Variants in TMPO observed in about 807,000 individuals in gnomAD.
The protein encoded by TMPO is thymopoietin.
Under a neutral mutation model 45.4 loss-of-function variants are expected in TMPO, and 22 were observed. That is an observed-to-expected ratio of 0.48 (90% CI 0.35 to 0.69). The LOEUF is 0.69. TMPO is among the 30% of genes least tolerant of loss of function. The pLI is 0.01. For synonymous variants in TMPO, 241 were observed against 204.1 expected, an observed-to-expected ratio of 1.18 and a Z score of -1.54; for missense variants, 512 against 548.8, an observed-to-expected ratio of 0.93 and a Z score of 0.67.
chr12:98,517,556 C>T (rs1034001776), intron 1 of TMPO, among the ~76,000 whole-genome samples: 8 of 152,182 alleles, frequency 5.3e-5, no homozygotes, highest in Admixed American at 1.3e-4. Context: ...AATGTGTTTT[C>T]CCGGCTACTC....
rs113427737 is a variant in TMPO at position 98,532,777 on chromosome 12, C to T, written c.565+939C>T. The T allele has an allele frequency of 2.8e-3, 4,448 of 1,613,724 alleles. 91 individuals carry two copies. The African/African-American group carries it at 0.049, about 18-fold the overall frequency. ...AAAGAGGCAAAGAATAAAATCAGCT[C>T]AAACACAGGTAATGCTTAAACTTCC... On this transcript the variant is annotated intron_variant, in intron 3 of 8. Transcript: ENST00000556029.
intron 1 of TMPO, among the ~76,000 whole-genome samples, chr12:98,518,033 G>A (rs1271139712): frequency 6.6e-6 from 1 of 152,048 alleles, no homozygotes; most frequent in Non-Finnish European, 1.5e-5. Flanking sequence ...AGCCGTGCCT[G>A]GTGGCGGCGG....
intron 7 of TMPO, 58 bp downstream of exon 7, chr12:98,545,119 ATATT>A (rs1878148103): frequency 1.8e-6 from 2 of 1,096,234 alleles, no homozygotes; most frequent in South Asian, 1.4e-5. Context: ...GGAAATATAA[ATATT>A]TGTTTGTTTT....
intron 1 of TMPO, among the ~76,000 whole-genome samples, chr12:98,523,410 T>C (rs1475935609): frequency 6.6e-6 from 1 of 151,912 alleles, no homozygotes; most frequent in South Asian, 2.1e-4. Flanking sequence ...AAAAATTAGT[T>C]AGTCGGGTAT....
At chr12:98,534,150 T>C in intron 3 of TMPO, 1 of 1,613,940 alleles carries the variant, frequency 6.2e-7, no homozygotes. Context: ...TTTGTGAAGC[T>C]GCATTTGATG....
intron 1 of TMPO, 76 bp downstream of exon 1, chr12:98,516,222 C>T (rs1592924947): frequency 3.8e-6 from 5 of 1,309,734 alleles, no homozygotes; most frequent in East Asian, 3.1e-5. Flanking sequence ...TTTGCAGCCC[C>T]TCCCTCCCGG....
At position 98,519,947 on chromosome 12, in the gene TMPO, TC is replaced by T. The variant is rs1315699160; in HGVS notation, c.279+3802del. Reference sequence around the variant, plus strand: ...ATACCAGGTCATATTTCTTTTTTTTTCTTTCTTTCTTTTTTTCTTTTTCTTT... The same window carrying T: ...ATACCAGGTCATATTTCTTTTTTTTTTTTCTTTCTTTTTTTCTTTTTCTTT... On this transcript the variant is annotated intron_variant, in intron 1 of 8. Coordinates refer to ENST00000556029, the MANE Select transcript of TMPO (RefSeq NM_001032283.3). Among the ~76,000 whole-genome samples the T allele has an allele frequency of 5.3e-5, 8 of 151,996 alleles. 1 individual carries two copies. The highest frequency in any genetic ancestry group is 1.4e-4 in the African/African-American group (6 of 41,536).
chr12:98,534,808 T>C, intron 3 of TMPO: 4 of 1,002,338 alleles, frequency 4.0e-6, no homozygotes, highest in Non-Finnish European at 4.8e-6. Flanking sequence ...CTTGTCCATA[T>C]TTTTGCTCAT....
In TMPO at chr12:98,534,329, G is replaced by T. The variant is rs1877433013; in HGVS notation, c.565+2491G>T. On this transcript the variant is annotated intron_variant, in intron 3 of 8. Transcript: ENST00000556029. ...GTATGCAAAGTAATTAAAAAGCGTG[G>T]AAATAAACACTAGTAAAATTAAGGA... 6.2e-7 allele frequency: 1 copy of T among 1,612,288 alleles called. No individual in the cohort carries two copies.
Position 98,531,719 on chromosome 12 carries a change from T to C in TMPO, c.446T>C (p.Leu149Pro). 6 of 1,613,318 alleles carry C rather than the reference T, an allele frequency of 3.7e-6. No homozygotes were observed. The highest frequency in any genetic ancestry group is 5.1e-6 in the Non-Finnish European group (6 of 1,179,958). ...CTATATGAGAAAAAGCTTTTGAAACTGAGGGAACAAGGAACAGAATCAAGA... is the reference window on the plus strand; with the variant it reads ...CTATATGAGAAAAAGCTTTTGAAACCGAGGGAACAAGGAACAGAATCAAGA... The part of the protein sequence containing the change: ...RKLYEKKLLK[L>P]REQGTESRSS... The change falls in exon 3 of 9, where the codon CTG becomes CCG. Residue 149 changes from leucine to proline, a missense_variant. Leu to Pro is a moderately conservative substitution (Grantham distance 98, BLOSUM62 -3). This residue lies in a region of TMPO where 299 missense variants were observed against 296.7 expected (regional missense o/e 1.01). Transcript: ENST00000556029.
At chr12:98,540,538 C>G (rs949109774) in intron 4 of TMPO, among the ~76,000 whole-genome samples, 1 of 152,144 alleles carries the variant, frequency 6.6e-6, no homozygotes, top group Non-Finnish European at 1.5e-5. Flanking sequence ...GCCACCACGC[C>G]CGGCTAATTT....
At chr12:98,531,874 A>G (rs772076736) in intron 3 of TMPO, 36 bp downstream of exon 3, 47 of 1,566,084 alleles carry the variant, frequency 3.0e-5, no homozygotes, top group Middle Eastern at 1.7e-4. Flanking sequence ...AATGTATGGA[A>G]TTTTTTCACA....
rs74684960 is a variant in TMPO, at chr12:98,542,301, A to C, written c.664-1929A>C. On this transcript the variant is annotated intron_variant, in intron 4 of 8. Coordinates refer to ENST00000556029, the MANE Select transcript of TMPO (RefSeq NM_001032283.3). ...TTTGTTTTGTTTTGTTTTTTAATAA[A>C]GTTAGTACGAGTAACCATATTGGTC... Among the ~76,000 whole-genome samples the C allele has an allele frequency of 2.9e-3, 441 of 152,270 alleles. 1 individual carries two copies. The highest frequency in any genetic ancestry group is 9.1e-3 in the African/African-American group (377 of 41,556).
chr12:98,522,951 G>A (rs945778348), intron 1 of TMPO, among the ~76,000 whole-genome samples: 2 of 152,176 alleles, frequency 1.3e-5, no homozygotes, highest in African/African-American at 4.8e-5. Flanking sequence ...TTATACTAGA[G>A]GTAGAGATTA....
At chr12:98,529,997 A>G (rs1175787082) in intron 2 of TMPO, among the ~76,000 whole-genome samples, 2 of 152,236 alleles carry the variant, frequency 1.3e-5, no homozygotes, top group Non-Finnish European at 2.9e-5. Context: ...TTATTCATAT[A>G]CAAGTACCAA....
Position 98,533,323 on chromosome 12 carries a change from A to G in TMPO, c.565+1485A>G, listed in dbSNP as rs730880229. 13 of 1,614,190 alleles carry G rather than the reference A, an allele frequency of 8.1e-6. No homozygotes were observed. Among genetic ancestry groups the G allele is most frequent in the Non-Finnish European group, 9.3e-6 (11 of 1,180,024 alleles). On this transcript the variant is annotated intron_variant, in intron 3 of 8. Coordinates refer to ENST00000556029, the MANE Select transcript of TMPO (RefSeq NM_001032283.3). Reference sequence around the variant, plus strand: ...TTCAGATCAATCGCCTCTCTCCAGTAAAAGGAAAGCACTAGAAGAGTCTGA... The same window carrying G: ...TTCAGATCAATCGCCTCTCTCCAGTGAAAGGAAAGCACTAGAAGAGTCTGA...
intron 3 of TMPO, among the ~76,000 whole-genome samples, chr12:98,537,188 C>T (rs1447759186): frequency 1.3e-5 from 2 of 152,096 alleles, no homozygotes; most frequent in African/African-American, 2.4e-5. Flanking sequence ...ATTTTGAACT[C>T]ACTTCATGTT....
intron 1 of TMPO, among the ~76,000 whole-genome samples, chr12:98,518,202 T>TA (rs1313622687): frequency 3.3e-5 from 5 of 151,826 alleles, no homozygotes; most frequent in African/African-American, 7.3e-5. Flanking sequence ...GCACACTTTA[T>TA]AAAAAACCTA....
At chr12:98,533,799 T>C in intron 3 of TMPO, 1 of 1,614,230 alleles carries the variant, frequency 6.2e-7, no homozygotes, top group African/African-American at 1.3e-5. Flanking sequence ...GGCAGCTGCC[T>C]TCACTGGCAT....
Sources: allele counts gnomAD v4.1 joint callset (sites outside exome capture counted in the v4.1 genomes callset), GRCh38; gene constraint gnomAD v4.1.1; regional missense constraint gnomAD v4.1.1; transcripts MANE v1.5; gene names NCBI Gene and HGNC (gene_info 2026-07-23, HGNC 2026-07-21).